The following SPEN variants were observed in gnomAD, a reference collection of about 807,000 sequenced individuals.
SPEN encodes the protein spen family transcriptional repressor, also known as msx2-interacting protein.
In SPEN, 18 loss-of-function variants were observed where a neutral mutation model predicts 269.9. That is an observed-to-expected ratio of 0.07 (90% CI 0.05 to 0.10). SPEN has a LOEUF of 0.10. Ranked by LOEUF, SPEN falls within the 10% of genes least tolerant of loss-of-function variation. SPEN has a pLI of 1.00. For missense variants in SPEN, 3,822 were observed against 4,631.2 expected, an observed-to-expected ratio of 0.83 and a Z score of 5.07; for synonymous variants, 1,726 against 1,765.7, an observed-to-expected ratio of 0.98 and a Z score of 0.56.
At position 15,891,819 on chromosome 1, in the gene SPEN, G is replaced by A. The variant is rs1176177374; in HGVS notation, c.881+15141G>A. 2.0e-5 allele frequency among the ~76,000 whole-genome samples: 3 copies of A among 151,404 alleles called. No individual in the cohort carries two copies. The East Asian group carries it at 5.8e-4, about 29-fold the overall frequency. On this transcript the variant is annotated intron_variant, in intron 3 of 14. Transcript: ENST00000375759. ...ATAAAAACCATTAAGAAAAACTAAT[G>A]TCATGGTGTCATGTTAATAAATTCA...
intron 1 of SPEN, among the ~76,000 whole-genome samples, chr1:15,855,989 A>C (rs1489567879): frequency 1.2e-4 from 14 of 120,276 alleles, no homozygotes; most frequent in Admixed American, 9.6e-4. Context: ...GGATGCTAGA[A>C]CTTTTTTTTT....
At position 15,935,895 on chromosome 1, in the gene SPEN, G is replaced by T; in HGVS notation, c.9655G>T (p.Val3219Leu). 4 of 1,613,024 alleles carry T rather than the reference G, an allele frequency of 2.5e-6. No individual in the cohort carries two copies. The highest frequency in any genetic ancestry group is 2.5e-6 in the Non-Finnish European group (3 of 1,179,926). The change falls in exon 11 of 15, where the codon GTG becomes TTG. Residue 3219 changes from valine (V) to leucine (L), a missense_variant. Val to Leu is a conservative substitution (Grantham distance 32). Transcript: ENST00000375759. This position sits in a 1 kb window ranked among gnomAD's most constrained non-coding sequence, Gnocchi z 7.7. ...CAGGGCCGCGGATGGGGTGGTGAAG[G>T]TGCCACCAGCCAGCAAGGCCCCTCA... ...QPRAADGVVK[V>L]PPASKAPQQP...
chr1:15,888,710 G>A (rs1391184877), intron 3 of SPEN, among the ~76,000 whole-genome samples: 3 of 151,610 alleles, frequency 2.0e-5, no homozygotes, highest in Non-Finnish European at 2.9e-5. Flanking sequence ...TCGGCTCACC[G>A]CGACCTCCAC....
Position 15,868,808 on chromosome 1 carries a change from T to C in SPEN, c.84-4008T>C, listed in dbSNP as rs1364117861. Among the ~76,000 whole-genome samples, 5 of 152,358 alleles carry C rather than the reference T, an allele frequency of 3.3e-5. No homozygotes were observed. The South Asian group carries it at 1.0e-3, about 32-fold the overall frequency. ...AGATTTATCATTGACTTGCTGGATATTTGTTAAGTTTTACTTTGGTTTTAA... is the reference window on the plus strand; with the variant it reads ...AGATTTATCATTGACTTGCTGGATACTTGTTAAGTTTTACTTTGGTTTTAA... On this transcript the variant is annotated intron_variant, in intron 1 of 14. Transcript: ENST00000375759.
In SPEN at chr1:15,928,345, G is replaced by A. The variant is rs1361099404; in HGVS notation, c.2105G>A (p.Arg702Gln). 1.2e-6 allele frequency: 2 copies of A among 1,614,214 alleles called. No individual in the cohort carries two copies. Among genetic ancestry groups the A allele is most frequent in the Admixed American group, 1.7e-5 (1 of 60,026 alleles). The change falls in exon 11 of 15, where the codon CGA (arginine) becomes CAA (glutamine). Residue 702 changes from arginine (R) to glutamine (Q), a missense_variant. Physicochemically the swap from Arg to Gln is conservative, Grantham distance 43. This residue lies in a region of SPEN where 572 missense variants were observed against 582.6 expected (regional missense o/e 0.98). Transcript: ENST00000375759. This position sits in a 1 kb window ranked among gnomAD's most constrained non-coding sequence, Gnocchi z 5.7. Reference sequence around the variant, plus strand: ...GAATATAGTTACAGGCAAAGGGAACGAGAAAGAGAACGTGAAAGATTTGAG... The same window carrying A: ...GAATATAGTTACAGGCAAAGGGAACAAGAAAGAGAACGTGAAAGATTTGAG... ...IREYSYRQRE[R>Q]ERERERFESD...
chr1:15,906,069 G>C (rs1312872925), intron 3 of SPEN, among the ~76,000 whole-genome samples: 1 of 152,086 alleles, frequency 6.6e-6, no homozygotes, highest in Non-Finnish European at 1.5e-5. Context: ...ACTGTCATCT[G>C]GTGGCCTTGT....
chr1:15,865,023 T>C (rs1223045359), intron 1 of SPEN, among the ~76,000 whole-genome samples: 1 of 151,804 alleles, frequency 6.6e-6, no homozygotes, highest in African/African-American at 2.4e-5. Context: ...TTGAGTGAAA[T>C]TGAGCAGCTT....
Position 15,939,280 on chromosome 1 carries a change from T to A in SPEN, c.10864-16T>A. On this transcript the variant is annotated splice_polypyrimidine_tract_variant and intron_variant, in intron 14 of 14. Coordinates refer to ENST00000375759, the MANE Select transcript of SPEN (RefSeq NM_015001.3). The surrounding 1 kb of genome is among the most constrained non-coding windows in gnomAD (Gnocchi z 4.1). ...GAAGACAGACGGTCCCACTTTGCTC[T>A]CTATCCTGTCTCCAGCCTGCCTACG... is the stretch of plus-strand genomic sequence containing the variant. The A allele has an allele frequency of 6.4e-7, 1 of 1,563,542 alleles. No homozygotes were observed. Among genetic ancestry groups the A allele is most frequent in the Non-Finnish European group, 8.7e-7 (1 of 1,153,004 alleles).
chr1:15,909,513 T>TAGTA, intron 4 of SPEN, 32 bp downstream of exon 4: 1 of 1,601,434 alleles, frequency 6.2e-7, no homozygotes, highest in Non-Finnish European at 8.5e-7. Context: ...CTTTCCTCTG[T>TAGTA]GCTACTACTG....
At chr1:15,854,370 T>A (rs1305075663) in intron 1 of SPEN, among the ~76,000 whole-genome samples, 1 of 152,220 alleles carries the variant, frequency 6.6e-6, no homozygotes, top group African/African-American at 2.4e-5. Context: ...GTTTAAATTT[T>A]TCTTTAAACT....
Position 15,928,636 on chromosome 1 carries a change from CGGAGAGAGT to C in SPEN, c.2405_2413del (p.Val802_Arg804del). On this transcript the variant is annotated inframe_deletion, in exon 11 of 15. Coordinates refer to ENST00000375759, the MANE Select transcript of SPEN (RefSeq NM_015001.3). The surrounding 1 kb of genome is among the most constrained non-coding windows in gnomAD (Gnocchi z 5.7). Reference sequence around the variant, plus strand: ...ACAGATAAAGAACGAACTTTTGATCCGGAGAGAGTGGAGAGAGAGAGACGCTTAATACGG... The same window carrying C: ...ACAGATAAAGAACGAACTTTTGATCCGGAGAGAGAGAGACGCTTAATACGG... 2 of 1,613,790 alleles carry C rather than the reference CGGAGAGAGT, an allele frequency of 1.2e-6. No individual in the cohort carries two copies. Among genetic ancestry groups the C allele is most frequent in the Non-Finnish European group, 1.7e-6 (2 of 1,179,940 alleles).
rs1280017526 is a variant in SPEN, at chr1:15,932,797, C to T, written c.6557C>T (p.Ala2186Val). 1 of 1,614,232 alleles carries T rather than the reference C, an allele frequency of 6.2e-7. No individual in the cohort carries two copies. Among genetic ancestry groups the T allele is most frequent in the East Asian group, 2.2e-5 (1 of 44,886 alleles). Residue 2186 changes from alanine to valine, a missense_variant, in exon 11 of 15, where the codon GCC (alanine) becomes GTC (valine). Transcript: ENST00000375759. The surrounding 1 kb of genome is among the most constrained non-coding windows in gnomAD (Gnocchi z 4.2). ...ATCGCAAAGCTCGCTGAGGCCTCTG[C>T]CTCTGCTGCCTATAAGGCAGATGCA... ...EHIAKLAEAS[A>V]SAAYKADAPE...
chr1:15,933,078 G>C lies in SPEN; in HGVS notation c.6838G>C (p.Glu2280Gln), dbSNP rs1461527382. Residue 2280 changes from glutamate (E) to glutamine (Q), a missense_variant, in exon 11 of 15, where the codon GAA becomes CAA. Glu to Gln is a conservative substitution (Grantham distance 29, BLOSUM62 2). Around this residue, in one of 16 missense-constraint regions of SPEN, gnomAD observed 727 missense variants for 737.9 expected, o/e 0.99. Coordinates refer to ENST00000375759, the MANE Select transcript of SPEN (RefSeq NM_015001.3). This position sits in a 1 kb window ranked among gnomAD's most constrained non-coding sequence, Gnocchi z 5.7. ...CATCCTGGAAACTGAGGCTGCTACA[G>C]AATCTTCTAGGCCTCCAGTCAATGC... ...SGILETEAAT[E>Q]SSRPPVNAPD... 6.2e-7 allele frequency: 1 copy of C among 1,614,030 alleles called. No homozygotes were observed. The highest frequency in any genetic ancestry group is 8.5e-7 in the Non-Finnish European group (1 of 1,179,988).
chr1:15,908,604 G>A (rs1473203344), intron 3 of SPEN, among the ~76,000 whole-genome samples: 1 of 151,984 alleles, frequency 6.6e-6, no homozygotes, highest in Non-Finnish European at 1.5e-5. Context: ...TATATTTTTA[G>A]TAGAGACGGG....
chr1:15,939,963 C>T lies in SPEN; in HGVS notation c.*536C>T. The T allele has an allele frequency of 4.3e-6, 1 of 232,836 alleles. No homozygotes were observed. The highest frequency in any genetic ancestry group is 8.5e-6 in the Non-Finnish European group (1 of 117,664). The allele number at this position is 232,836 out of a possible 1,614,324, so 14.4% of individuals were successfully genotyped here. A position where few individuals can be genotyped will look rare whatever the true frequency, so the allele number is the denominator to read the frequency against. Reference sequence around the variant, plus strand: ...TTTGTCCACCCCCATCTCCCTTGCTCATTTGGATGCGTCACCTTAATTCTC... The same window carrying T: ...TTTGTCCACCCCCATCTCCCTTGCTTATTTGGATGCGTCACCTTAATTCTC... On this transcript the variant is annotated 3_prime_UTR_variant, in exon 15 of 15. Transcript: ENST00000375759. The surrounding 1 kb of genome is among the most constrained non-coding windows in gnomAD (Gnocchi z 4.1).
In SPEN at chr1:15,937,118, C is replaced by T. The variant is rs1410750079; in HGVS notation, c.10027-45C>T. ...CATTTGTTGGTCTCAGGGGCTTGTG[C>T]ACAACAGACTGACTCTGTCCCTTTG... On this transcript the variant is annotated intron_variant, in intron 11 of 14. Coordinates refer to ENST00000375759, the MANE Select transcript of SPEN (RefSeq NM_015001.3). The surrounding 1 kb of genome is among the most constrained non-coding windows in gnomAD (Gnocchi z 5.7). 1.1e-5 allele frequency: 18 copies of T among 1,578,374 alleles called. No homozygotes were observed. The highest frequency in any genetic ancestry group is 1.6e-5 in the Non-Finnish European group (18 of 1,160,104).
Position 15,873,101 on chromosome 1 carries a change from T to A in SPEN, c.369T>A (p.His123Gln), listed in dbSNP as rs1190211642. 1 of 1,613,942 alleles carries A rather than the reference T, an allele frequency of 6.2e-7. No individual in the cohort carries two copies. Among genetic ancestry groups the A allele is most frequent in the Non-Finnish European group, 8.5e-7 (1 of 1,179,896 alleles). Residue 123 changes from histidine (H) to glutamine (Q), a missense_variant, in exon 2 of 15, where the codon CAT (histidine) becomes CAA (glutamine). Transcript: ENST00000375759. ...GPAYGPPPSL[H>Q]AREGRYERRL... ...CTTATGGTCCCCCACCGTCACTTCA[T>A]GCACGAGAAGGACGTTATGAGCGGA...
At chr1:15,861,287 A>T (rs545633657) in intron 1 of SPEN, among the ~76,000 whole-genome samples, 1 of 151,834 alleles carries the variant, frequency 6.6e-6, no homozygotes, top group East Asian at 1.9e-4. Context: ...ACATGCCACC[A>T]CACCTGGCTA....
At position 15,939,304 on chromosome 1, in the gene SPEN, C is replaced by A; in HGVS notation, c.10872C>A (p.Tyr3624Ter). The change falls in exon 15 of 15, where the codon TAC (tyrosine) becomes TAA (stop). Residue 3624 changes from tyrosine (Y) to a stop codon, truncating the protein, a stop_gained. Coordinates refer to ENST00000375759, the MANE Select transcript of SPEN (RefSeq NM_015001.3). LOFTEE classifies it high-confidence loss of function. This position sits in a 1 kb window ranked among gnomAD's most constrained non-coding sequence, Gnocchi z 4.1. ...CTCTATCCTGTCTCCAGCCTGCCTA[C>A]GTGCTGCAGATCTTCCCGCCCTGTG... Reference protein sequence around the residue: ...VPNPGSNQPAYVLQIFPPCEF... With the variant: ...VPNPGSNQPA The A allele has an allele frequency of 6.3e-7, 1 of 1,589,490 alleles. No individual in the cohort carries two copies.
Sources: gnomAD v4.1 joint callset for allele counts (sites outside exome capture counted in the v4.1 genomes callset) on GRCh38, gnomAD v4.1.1 for gene constraint, gnomAD v4.1.1 regional missense constraint, Gnocchi (gnomAD v3.1) non-coding constraint, MANE v1.5 for transcripts, NCBI Gene and HGNC (gene_info 2026-07-23, HGNC 2026-07-21) for gene names.